Variants in CSMD1 observed in about 807,000 individuals in gnomAD.
CSMD1 encodes CUB and Sushi multiple domains 1, also known as CUB and sushi domain-containing protein 1.
CSMD1 carries 213 observed loss-of-function variants against 417.5 expected under a neutral mutation model. The ratio of observed to expected loss-of-function variants is 0.51; its 90% CI spans 0.46 to 0.57. The LOEUF is 0.57. Among genes scored for constraint, CSMD1 ranks in the 20% least tolerant of loss-of-function variants. The pLI is 0.00. For missense variants in CSMD1, 6,923 were observed against 4,529.7 expected (o/e 1.53, Z -15.17); for synonymous variants, 2,862 against 1,736.8 (o/e 1.65, Z -16.11).
rs998582512 is a variant in CSMD1, at chr8:3,387,525, G to C, written c.2751C>G (p.His917Gln). 3.7e-6 allele frequency: 6 copies of C among 1,602,330 alleles called. No homozygotes were observed. The African/African-American group carries it at 5.4e-5, about 14-fold the overall frequency. Reference sequence around the variant, plus strand: ...AGCTGGGCAAGGCGTGGTTCCACTGGTGGTTCCTCTCACAGACGAGGGGCT... The same window carrying C: ...AGCTGGGCAAGGCGTGGTTCCACTGCTGGTTCCTCTCACAGACGAGGGGCT... ...DDEPLVCERN[H>Q]QWNHALPSCD... The change falls in exon 18 of 70, where the codon CAC becomes CAG. Residue 917 changes from histidine (H) to glutamine (Q), a missense_variant. Transcript: ENST00000635120.
chr8:3,696,732 G>A (rs1194811182), intron 7 of CSMD1, among the ~76,000 whole-genome samples: 1 of 152,130 alleles, frequency 6.6e-6, no homozygotes, highest in Non-Finnish European at 1.5e-5. Context: ...TAAAGTATAG[G>A]ATCAAGTTAT....
intron 1 of CSMD1, among the ~76,000 whole-genome samples, chr8:4,951,600 C>T (rs901680668): frequency 1.3e-5 from 2 of 150,000 alleles, no homozygotes; most frequent in Non-Finnish European, 3.0e-5. Context: ...AAAGAAAAAC[C>T]TGCGGGGTTT....
At chr8:4,961,605 G>A (rs1317839671) in intron 1 of CSMD1, among the ~76,000 whole-genome samples, 1 of 152,102 alleles carries the variant, frequency 6.6e-6, no homozygotes, top group South Asian at 2.1e-4. Context: ...GAAATTCTGT[G>A]CCGTTTTGTC....
chr8:3,442,091 A>C (rs1343808264), intron 12 of CSMD1, among the ~76,000 whole-genome samples: 4 of 152,064 alleles, frequency 2.6e-5, no homozygotes, highest in African/African-American at 9.6e-5. Context: ...AAAATACAAA[A>C]TTAAAATAAA....
chr8:4,053,710 G>A (rs1056453438), intron 3 of CSMD1, among the ~76,000 whole-genome samples: 7 of 152,060 alleles, frequency 4.6e-5, no homozygotes, highest in Non-Finnish European at 1.0e-4. Flanking sequence ...CATGGCAGTA[G>A]GAGGAAAATG....
intron 1 of CSMD1, among the ~76,000 whole-genome samples, chr8:4,759,886 T>C (rs911206066): frequency 6.6e-6 from 1 of 152,212 alleles, no homozygotes; most frequent in Non-Finnish European, 1.5e-5. Context: ...CATGCATGTG[T>C]ATTTATAATA....
chr8:3,684,659 G>T (rs1262503081), intron 7 of CSMD1, among the ~76,000 whole-genome samples: 1 of 146,296 alleles, frequency 6.8e-6, no homozygotes, highest in African/African-American at 2.5e-5. Flanking sequence ...GTGCAGTGGC[G>T]CTATCTCCGC....
intron 42 of CSMD1, among the ~76,000 whole-genome samples, chr8:3,113,688 C>G (rs1283803923): frequency 6.6e-6 from 1 of 152,108 alleles, no homozygotes. Context: ...GAAGGGGGTA[C>G]TTTTGGTGAT....
chr8:3,128,303 T>A (rs1309578498), intron 41 of CSMD1: 1 of 152,594 alleles, frequency 6.6e-6, no homozygotes, highest in Non-Finnish European at 1.5e-5. Flanking sequence ...CATGCTATTA[T>A]CAATTTTTCA....
At chr8:4,067,235 G>A (rs974252920) in intron 3 of CSMD1, among the ~76,000 whole-genome samples, 1 of 152,196 alleles carries the variant, frequency 6.6e-6, no homozygotes, top group Non-Finnish European at 1.5e-5. Context: ...GAAGTCAGAT[G>A]TTCAAGACAG....
intron 8 of CSMD1, among the ~76,000 whole-genome samples, chr8:3,611,778 C>T (rs1041608891): frequency 2.6e-5 from 4 of 151,772 alleles, no homozygotes; most frequent in Middle Eastern, 3.3e-3. Flanking sequence ...ACTCATAACT[C>T]GATGAATCAT....
intron 54 of CSMD1, among the ~76,000 whole-genome samples, chr8:2,983,453 C>A (rs1585092538): frequency 6.6e-6 from 1 of 152,016 alleles, no homozygotes; most frequent in South Asian, 2.1e-4. Context: ...CCCAAAGTGC[C>A]GGGATTGCAG....
At chr8:3,428,002 T>C (rs1813965676) in intron 12 of CSMD1, among the ~76,000 whole-genome samples, 2 of 152,248 alleles carry the variant, frequency 1.3e-5, no homozygotes, top group African/African-American at 4.8e-5. Context: ...CTTAATTCCA[T>C]GAAGAACATA....
chr8:2,983,873 A>C (rs1317261286), intron 54 of CSMD1, among the ~76,000 whole-genome samples: 1 of 152,220 alleles, frequency 6.6e-6, no homozygotes. Context: ...TTATTATACA[A>C]AAAGGAAAAG....
chr8:4,928,221 T>C (rs773017249), intron 1 of CSMD1, among the ~76,000 whole-genome samples: 1 of 152,176 alleles, frequency 6.6e-6, no homozygotes, highest in Non-Finnish European at 1.5e-5. Flanking sequence ...CCAGCATGTC[T>C]TGCTCTCTTG....
At chr8:3,760,374 TGGA>T (rs1797925528) in intron 5 of CSMD1, among the ~76,000 whole-genome samples, 1 of 152,198 alleles carries the variant, frequency 6.6e-6, no homozygotes, top group Non-Finnish European at 1.5e-5. Flanking sequence ...TTAAAATAAA[TGGA>T]GGACTCATGG....
chr8:4,251,448 A>G (rs1585098874), intron 3 of CSMD1, among the ~76,000 whole-genome samples: 1 of 152,202 alleles, frequency 6.6e-6, no homozygotes, highest in East Asian at 1.9e-4. Flanking sequence ...AAAGGCAATT[A>G]AGGCCCCTAC....
At chr8:4,739,409 T>C (rs532757941) in intron 1 of CSMD1, among the ~76,000 whole-genome samples, 60 of 152,342 alleles carry the variant, frequency 3.9e-4, no homozygotes, top group Non-Finnish European at 6.6e-4. Context: ...GCCTTATATC[T>C]GATACCTCCC....
chr8:3,521,091 C>G (rs978922676), intron 10 of CSMD1, among the ~76,000 whole-genome samples: 1 of 152,202 alleles, frequency 6.6e-6, no homozygotes, highest in Non-Finnish European at 1.5e-5. Flanking sequence ...CTGTCATTAT[C>G]TCCTAAAAGT....
Sources: allele counts gnomAD v4.1 joint callset (sites outside exome capture counted in the v4.1 genomes callset), GRCh38; gene constraint gnomAD v4.1.1; transcripts MANE v1.5; gene names NCBI Gene and HGNC (gene_info 2026-07-23, HGNC 2026-07-21).